The following RNF216 variants were observed in gnomAD, a reference collection of about 807,000 sequenced individuals.
RNF216 encodes the protein ring finger protein 216, also known as E3 ubiquitin-protein ligase RNF216.
RNF216 carries 72 observed loss-of-function variants against 110.8 expected under a neutral mutation model. The ratio of observed to expected loss-of-function variants is 0.65; its 90% CI spans 0.54 to 0.79. RNF216 has a LOEUF of 0.79. RNF216 is among the 30% of genes least tolerant of loss of function. The pLI is 0.00. For synonymous variants in RNF216, 495 were observed against 407.5 expected (o/e 1.21, Z -2.59); for missense variants, 1,342 against 1,141.2 (o/e 1.18, Z -2.54).
Position 5,752,841 on chromosome 7 carries a change from C to G in RNF216, c.201+5G>C, listed in dbSNP as rs1795402291. On this transcript the variant is annotated splice_donor_5th_base_variant and intron_variant, in intron 3 of 16. Transcript: ENST00000389902. ...TGTCTCATTGTAAGTTTAAAGAAAA[C>G]TCACTTCTGTCAGGATGACATCATC... The G allele has an allele frequency of 6.2e-7, 1 of 1,608,688 alleles. No homozygotes were observed. Among genetic ancestry groups the G allele is most frequent in the African/African-American group, 1.3e-5 (1 of 74,668 alleles).
In RNF216 at chr7:5,668,999, AG is replaced by A. The variant is rs1310942910; in HGVS notation, c.2062-16490del. Among the ~76,000 whole-genome samples the A allele has an allele frequency of 5.9e-5, 9 of 152,366 alleles. No homozygotes were observed. The East Asian group carries it at 1.7e-3, about 29-fold the overall frequency. ...AGTCATCTCCCCCAGGAATATGAGC[AG>A]GAGCATAAGTGATTTTTAGTTCTGT... On this transcript the variant is annotated intron_variant, in intron 13 of 16. Transcript: ENST00000389902.
chr7:5,625,033 C>T (rs1001554153), intron 15 of RNF216, among the ~76,000 whole-genome samples: 11 of 152,220 alleles, frequency 7.2e-5, no homozygotes, highest in Admixed American at 5.9e-4. Context: ...GACTGAAAGA[C>T]GATTAACTGG....
intron 13 of RNF216, among the ~76,000 whole-genome samples, chr7:5,664,608 T>C (rs960474918): frequency 6.6e-6 from 1 of 152,140 alleles, no homozygotes; most frequent in East Asian, 1.9e-4. Flanking sequence ...GGGTCAGGAC[T>C]GGAAATGCGC....
chr7:5,689,997 C>T (rs1304162347), intron 13 of RNF216, among the ~76,000 whole-genome samples: 2 of 151,350 alleles, frequency 1.3e-5, no homozygotes, highest in Non-Finnish European at 2.9e-5. Flanking sequence ...CCTTATTTGC[C>T]GAGTTCACCT....
chr7:5,772,268 G>A (rs1796538451), intron 1 of RNF216, among the ~76,000 whole-genome samples: 1 of 152,068 alleles, frequency 6.6e-6, no homozygotes, highest in Non-Finnish European at 1.5e-5. Flanking sequence ...AAACCACAAG[G>A]AAATTCTGGG....
rs760589558 is a variant in RNF216 at position 5,696,562 on chromosome 7, C to T, written c.2061+15199G>A. On this transcript the variant is annotated intron_variant, in intron 13 of 16. Coordinates refer to ENST00000389902, the MANE Select transcript of RNF216 (RefSeq NM_207111.4). The surrounding 1 kb of genome is among the most constrained non-coding windows in gnomAD (Gnocchi z 5.4). ...GCAGGCCGGGGCAGCCTCCTAGACA[C>T]GCGTGCCCAAGATCGTGTCCTATGG... Among the ~76,000 whole-genome samples, 4 of 152,162 alleles carry T rather than the reference C, an allele frequency of 2.6e-5. No homozygotes were observed. The highest frequency in any genetic ancestry group is 5.9e-5 in the Non-Finnish European group (4 of 68,020).
intron 10 of RNF216, among the ~76,000 whole-genome samples, chr7:5,715,475 G>T (rs1792988589): frequency 6.6e-6 from 1 of 152,086 alleles, no homozygotes; most frequent in African/African-American, 2.4e-5. Flanking sequence ...ATCCCATGGT[G>T]CAAAGGGAAC....
At chr7:5,663,067 G>A (rs1789253427) in intron 13 of RNF216, among the ~76,000 whole-genome samples, 1 of 152,128 alleles carries the variant, frequency 6.6e-6, no homozygotes, top group Admixed American at 6.5e-5. Context: ...AAATACCAGT[G>A]GCTTGGGAAA....
chr7:5,684,532 G>T lies in RNF216; in HGVS notation c.2061+27229C>A, dbSNP rs569662010. The stretch of plus-strand genomic sequence containing the variant: ...CAGCTGCTGGCTTCTCCTGGGCCTG[G>T]CCCCATGCAGTTCGATGTTCCCTGG... On this transcript the variant is annotated intron_variant, in intron 13 of 16. Transcript: ENST00000389902. 2.6e-5 allele frequency among the ~76,000 whole-genome samples: 4 copies of T among 152,316 alleles called. 2 individuals are homozygous for T. Among genetic ancestry groups the T allele is most frequent in the African/African-American group, 9.6e-5 (4 of 41,570 alleles).
intron 13 of RNF216, among the ~76,000 whole-genome samples, chr7:5,697,273 C>A (rs1163274298): frequency 1.3e-5 from 2 of 152,262 alleles, no homozygotes; most frequent in East Asian, 3.8e-4. Flanking sequence ...ACAGCAGTCA[C>A]CATCACTCTC....
chr7:5,739,353 C>A lies in RNF216; in HGVS notation c.1045-1G>T. On this transcript the variant is annotated splice_acceptor_variant, in intron 4 of 16. Coordinates refer to ENST00000389902, the MANE Select transcript of RNF216 (RefSeq NM_207111.4). LOFTEE classifies it high-confidence loss of function. ...TTGCTACATCTGGAAATCTTGCTTC[C>A]TAGAAACAAATAAGAACATAATTTA... The A allele has an allele frequency of 6.3e-7, 1 of 1,593,004 alleles. No individual in the cohort carries two copies. The highest frequency in any genetic ancestry group is 8.5e-7 in the Non-Finnish European group (1 of 1,173,360).
Position 5,668,284 on chromosome 7 carries a change from C to T in RNF216, c.2062-15774G>A, listed in dbSNP as rs1037418512. ...GTTGGCCCCGGCTGGAGTGCAGTGG[C>T]GCAATCTTGGCTCACTGCAAGCTCC... On this transcript the variant is annotated intron_variant, in intron 13 of 16. Coordinates refer to ENST00000389902, the MANE Select transcript of RNF216 (RefSeq NM_207111.4). 5.4e-5 allele frequency among the ~76,000 whole-genome samples: 8 copies of T among 148,398 alleles called. No homozygotes were observed. In the East Asian group the frequency reaches 9.8e-4, roughly 18 times the overall value.
At chr7:5,715,549 G>A (rs1010031673) in intron 10 of RNF216, among the ~76,000 whole-genome samples, 15 of 151,902 alleles carry the variant, frequency 9.9e-5, no homozygotes, top group African/African-American at 3.4e-4. Flanking sequence ...TATGAGAGAT[G>A]TTACCCAAAA....
intron 8 of RNF216, among the ~76,000 whole-genome samples, chr7:5,721,967 C>T (rs558007477): frequency 3.9e-5 from 6 of 152,330 alleles, no homozygotes; most frequent in Non-Finnish European, 8.8e-5. Context: ...CTGCTGCTCA[C>T]GCTGGAGTGC....
rs540265209 is a variant in RNF216 at position 5,655,174 on chromosome 7, C to G, written c.2062-2664G>C. Among the ~76,000 whole-genome samples, 4 of 152,334 alleles carry G rather than the reference C, an allele frequency of 2.6e-5. No individual in the cohort carries two copies. The East Asian group carries it at 7.7e-4, about 29-fold the overall frequency. On this transcript the variant is annotated intron_variant, in intron 13 of 16. Coordinates refer to ENST00000389902, the MANE Select transcript of RNF216 (RefSeq NM_207111.4). ...GCCCACCAGGGCAAAATGACCTGGC[C>G]AGGCTGGAGCCAGGTGCATGTGAGG...
At chr7:5,690,131 C>A (rs1791242656) in intron 13 of RNF216, among the ~76,000 whole-genome samples, 1 of 151,704 alleles carries the variant, frequency 6.6e-6, no homozygotes, top group Admixed American at 6.6e-5. Flanking sequence ...GAGTTTAAGA[C>A]CAGCCTGGCC....
chr7:5,646,879 C>T (rs1035741401), intron 14 of RNF216, among the ~76,000 whole-genome samples: 1 of 151,976 alleles, frequency 6.6e-6, no homozygotes, highest in Non-Finnish European at 1.5e-5. Context: ...CTGTAACTTT[C>T]TTAGTTTTTG....
chr7:5,632,939 G>T (rs28691759), intron 15 of RNF216, among the ~76,000 whole-genome samples: 9,701 of 152,190 alleles, frequency 0.064, 1,030 homozygotes, highest in African/African-American at 0.22. Context: ...TCAAAGCAGA[G>T]AGTGAAACGG....
intron 13 of RNF216, among the ~76,000 whole-genome samples, chr7:5,670,089 G>A (rs1789805997): frequency 6.6e-6 from 1 of 151,938 alleles, no homozygotes; most frequent in Non-Finnish European, 1.5e-5. Flanking sequence ...ACCATGCCCA[G>A]CTATTTATTT....
Sources: gnomAD v4.1 joint callset for allele counts (sites outside exome capture counted in the v4.1 genomes callset) on GRCh38, gnomAD v4.1.1 for gene constraint, Gnocchi (gnomAD v3.1) non-coding constraint, MANE v1.5 for transcripts, NCBI Gene and HGNC (gene_info 2026-07-23, HGNC 2026-07-21) for gene names.